Variants in ATP10B observed in about 807,000 individuals in gnomAD.
The protein encoded by ATP10B is phospholipid-transporting ATPase VB.
A neutral mutation model predicts 141.2 loss-of-function variants in ATP10B; 122 were observed. The observed-to-expected ratio is 0.86, with a 90% CI of 0.75 to 1.00. The LOEUF is 1.00. Ranked by LOEUF, ATP10B falls within the 50% of genes least tolerant of loss-of-function variation. ATP10B has a pLI of 0.00. For synonymous variants in ATP10B, 685 were observed against 692.0 expected (o/e 0.99, Z 0.16); for missense variants, 1,876 against 1,825.3 (o/e 1.03, Z -0.51).
intron 12 of ATP10B, chr5:160,632,619 GGTT>G: frequency 1.7e-5 from 3 of 177,072 alleles, no homozygotes; most frequent in South Asian, 2.0e-4. Flanking sequence ...TTTCCTCAGA[GGTT>G]TTTTTTTTTT....
chr5:160,916,308 T>C, the ATP10B span, among the ~76,000 whole-genome samples: 9 of 152,344 alleles, frequency 5.9e-5, no homozygotes, highest in South Asian at 1.9e-3. Flanking sequence ...TGCTGAACTT[T>C]ATTAATTTTA....
At chr5:160,751,980 T>A (rs1203468687) in intron 2 of ATP10B, among the ~76,000 whole-genome samples, 1 of 152,036 alleles carries the variant, frequency 6.6e-6, no homozygotes, top group South Asian at 2.1e-4. Context: ...TGAGCGTACA[T>A]CCCCCTAATT....
intron 22 of ATP10B, 66 bp downstream of exon 22, chr5:160,598,703 TC>T: frequency 6.8e-7 from 1 of 1,476,068 alleles, no homozygotes; most frequent in Non-Finnish European, 9.4e-7. Context: ...CTCTGATGCC[TC>T]CAGAGGGGAG....
Position 160,670,745 on chromosome 5 carries a change from C to T in ATP10B, c.471-78G>A, listed in dbSNP as rs917528377. 3 of 1,312,184 alleles carry T rather than the reference C, an allele frequency of 2.3e-6. No homozygotes were observed. The East Asian group carries it at 6.9e-5, about 30-fold the overall frequency. The allele number at this position is 1,312,184 out of a possible 1,614,324, so 81.3% of individuals were successfully genotyped here. A position where few individuals can be genotyped will look rare whatever the true frequency, so the allele number is the denominator to read the frequency against. ...CTAATGAAAGAATAGAGGAAGGTCCCACCAGCACCTAACTATCCACCAAGT... is the reference window on the plus strand; with the variant it reads ...CTAATGAAAGAATAGAGGAAGGTCCTACCAGCACCTAACTATCCACCAAGT... On this transcript the variant is annotated intron_variant, in intron 6 of 25. Transcript: ENST00000327245.
intron 1 of ATP10B, among the ~76,000 whole-genome samples, chr5:160,792,721 T>A (rs562317742): frequency 5.9e-5 from 9 of 152,222 alleles, no homozygotes; most frequent in South Asian, 2.1e-4. Flanking sequence ...ATACACACAC[T>A]CTCTCTTCTA....
At chr5:160,719,576 G>A (rs761583639) in intron 2 of ATP10B, among the ~76,000 whole-genome samples, 5 of 152,272 alleles carry the variant, frequency 3.3e-5, no homozygotes, top group Middle Eastern at 3.4e-3. Flanking sequence ...AATAAAAACA[G>A]AGATTTATAA....
the ATP10B span, among the ~76,000 whole-genome samples, chr5:160,858,134 T>C: frequency 6.6e-6 from 1 of 151,988 alleles, no homozygotes; most frequent in Non-Finnish European, 1.5e-5. Flanking sequence ...GTTTTTGTTT[T>C]ACATGCTTTG....
intron 6 of ATP10B, among the ~76,000 whole-genome samples, chr5:160,677,959 T>C (rs539538419): frequency 5.3e-5 from 8 of 152,310 alleles, no homozygotes; most frequent in African/African-American, 1.4e-4. Context: ...ATAGAGTCTA[T>C]GTTAAGAAGT....
At chr5:160,832,422 C>T (rs1416108169) in intron 1 of ATP10B, among the ~76,000 whole-genome samples, 2 of 151,984 alleles carry the variant, frequency 1.3e-5, no homozygotes, top group African/African-American at 4.8e-5. Context: ...GGGAAAAATG[C>T]CCTCAACACA....
intron 10 of ATP10B, 29 bp downstream of exon 10, chr5:160,640,432 G>C: frequency 1.2e-6 from 2 of 1,610,644 alleles, no homozygotes; most frequent in Non-Finnish European, 1.7e-6. Flanking sequence ...CGATTACTGT[G>C]TCCTTGTTCT....
At chr5:160,699,316 C>A (rs1764548788) in intron 3 of ATP10B, among the ~76,000 whole-genome samples, 1 of 152,144 alleles carries the variant, frequency 6.6e-6, no homozygotes, top group Admixed American at 6.5e-5. Flanking sequence ...GTTTTACTGA[C>A]AAAATAATTA....
At chr5:160,734,414 G>C (rs922679433) in intron 2 of ATP10B, among the ~76,000 whole-genome samples, 2 of 151,958 alleles carry the variant, frequency 1.3e-5, no homozygotes, top group African/African-American at 2.4e-5. Flanking sequence ...TTTTATGTAA[G>C]TAAATGTAAT....
intron 7 of ATP10B, among the ~76,000 whole-genome samples, chr5:160,650,738 G>A (rs1760672687): frequency 6.6e-6 from 1 of 152,160 alleles, no homozygotes; most frequent in African/African-American, 2.4e-5. Flanking sequence ...ACACTTACAC[G>A]TAGGCATATA....
rs137976147 is a variant in ATP10B at position 160,735,165 on chromosome 5, G to A, written c.-330-18131C>T. Among the ~76,000 whole-genome samples, 26 of 148,348 alleles carry A rather than the reference G, an allele frequency of 1.8e-4. No individual in the cohort carries two copies. In the East Asian group the frequency reaches 4.7e-3, roughly 27 times the overall value. ...GGTAAGTCCTTACTTATCAAGAATA[G>A]CACTGAATGTAAATGGACTAAAATC... On this transcript the variant is annotated intron_variant, in intron 2 of 25. Coordinates refer to ENST00000327245, the MANE Select transcript of ATP10B (RefSeq NM_025153.3).
At chr5:160,814,680 T>C (rs967271260) in intron 1 of ATP10B, among the ~76,000 whole-genome samples, 2 of 152,122 alleles carry the variant, frequency 1.3e-5, no homozygotes, top group African/African-American at 4.8e-5. Context: ...AGACACATAA[T>C]TGTCAGATTC....
At chr5:160,847,040 C>A (rs1246900831) in intron 1 of ATP10B, among the ~76,000 whole-genome samples, 1 of 152,186 alleles carries the variant, frequency 6.6e-6, no homozygotes, top group Non-Finnish European at 1.5e-5. Flanking sequence ...TCGATTAATT[C>A]TCAGGACAAT....
At chr5:160,902,616 G>A in the ATP10B span, among the ~76,000 whole-genome samples, 1 of 152,180 alleles carries the variant, frequency 6.6e-6, no homozygotes, top group Non-Finnish European at 1.5e-5. Flanking sequence ...GAGGAAAAAG[G>A]AATAATGTCA....
rs758818505 is a variant in ATP10B at position 160,565,464 on chromosome 5, G to A, written c.4375C>T (p.Leu1459=). Reference sequence around the variant, plus strand: ...ATTTCTGCAGCTCCTCATATGGTCAGTGAACTCTGGGATCGGCGATGGCTG... The same window carrying A: ...ATTTCTGCAGCTCCTCATATGGTCAATGAACTCTGGGATCGGCGATGGCTG... ...RSSHRRSQSS[L]TI Residue 1459 remains leucine (L), a synonymous_variant, in exon 26 of 26, where the codon CTG becomes TTG. Transcript: ENST00000327245. The A allele has an allele frequency of 5.0e-6, 8 of 1,613,938 alleles. No homozygotes were observed. The highest frequency in any genetic ancestry group is 5.1e-6 in the Non-Finnish European group (6 of 1,179,942).
chr5:160,683,658 T>C (rs945463209), intron 6 of ATP10B, among the ~76,000 whole-genome samples: 1 of 152,108 alleles, frequency 6.6e-6, no homozygotes, highest in African/African-American at 2.4e-5. Flanking sequence ...TCAAAAGGAA[T>C]GAGATGGCCT....
Sources: allele counts gnomAD v4.1 joint callset (sites outside exome capture counted in the v4.1 genomes callset), GRCh38; gene constraint gnomAD v4.1.1; transcripts MANE v1.5; gene names NCBI Gene and HGNC (gene_info 2026-07-23, HGNC 2026-07-21).